The following PLK4 variants were observed in gnomAD, a reference collection of about 807,000 sequenced individuals.
PLK4 encodes the protein polo like kinase 4.
In PLK4, 51 loss-of-function variants were observed where a neutral mutation model predicts 103.0. The observed-to-expected ratio is 0.50, with a 90% CI of 0.40 to 0.63. PLK4 has a LOEUF of 0.63. Ranked by LOEUF, PLK4 falls within the 20% of genes least tolerant of loss-of-function variation. PLK4 has a pLI of 0.00. For synonymous variants in PLK4, 389 were observed against 376.8 expected (o/e 1.03, Z -0.38); for missense variants, 1,054 against 1,151.0 (o/e 0.92, Z 1.22).
chr4:127,883,763 T>C (rs774203212), intron 4 of PLK4, among the ~76,000 whole-genome samples: 24 of 152,218 alleles, frequency 1.6e-4, no homozygotes, highest in Admixed American at 7.9e-4. Flanking sequence ...AAATTTGTTA[T>C]CCTTCTGTCC....
At position 127,881,963 on chromosome 4, in the gene PLK4, G is replaced by A. The variant is rs769560146; in HGVS notation, c.126+37G>A. On this transcript the variant is annotated intron_variant, in intron 2 of 15. Coordinates refer to ENST00000270861, the MANE Select transcript of PLK4 (RefSeq NM_014264.5). ...CTAATCAACTTCTCTCCTGTACTTT[G>A]CAAGTAACTAGAGAGGTATCAGAGA... 5.8e-5 allele frequency: 64 copies of A among 1,109,508 alleles called. No homozygotes were observed. In the South Asian group the frequency reaches 7.8e-4, roughly 14 times the overall value. The allele number at this position is 1,109,508 out of a possible 1,614,324, so 68.7% of individuals were successfully genotyped here.
chr4:127,880,996 T>A lies in PLK4; in HGVS notation c.-139T>A. ...GGTGTCAGGGAGAACTTTCCGTGGT[T>A]TCAGCGTCGTCGCCTGGAGCGGCGG... On this transcript the variant is annotated 5_prime_UTR_variant, in exon 1 of 16. Transcript: ENST00000270861. The A allele has an allele frequency of 1.1e-6, 1 of 928,348 alleles. No homozygotes were observed. The highest frequency in any genetic ancestry group is 1.5e-5 in the South Asian group (1 of 68,256). 57.5% of individuals were successfully genotyped at this position (928,348 alleles called of 1,614,324 possible).
In PLK4 at chr4:127,889,921, G is replaced by A. The variant is rs755176244; in HGVS notation, c.1515G>A (p.Gln505=). 1.2e-6 allele frequency: 2 copies of A among 1,613,654 alleles called. No individual in the cohort carries two copies. The highest frequency in any genetic ancestry group is 1.1e-5 in the South Asian group (1 of 91,042). ...GCATCAGCCCAAACCGGGACTTCCA[G>A]GGCCATCCAGATTTGCAGAAGGACA... ...YDSISPNRDF[Q]GHPDLQKDTS... The change falls in exon 7 of 16, where the codon CAG becomes CAA. Residue 505 remains glutamine (Q), a synonymous_variant. Coordinates refer to ENST00000270861, the MANE Select transcript of PLK4 (RefSeq NM_014264.5).
intron 12 of PLK4, 37 bp from the exon 13 acceptor site, chr4:127,893,697 A>C: frequency 6.3e-7 from 1 of 1,591,126 alleles, no homozygotes; most frequent in Non-Finnish European, 8.6e-7. Context: ...GTAAATTGAA[A>C]GCTTCAAGGG....
At chr4:127,894,413 A>G (rs1451024942) in intron 13 of PLK4, among the ~76,000 whole-genome samples, 1 of 152,060 alleles carries the variant, frequency 6.6e-6, no homozygotes, top group Non-Finnish European at 1.5e-5. Flanking sequence ...TATTTTCAGT[A>G]GAGACGGGGT....
In PLK4 at chr4:127,883,283, A is replaced by G; in HGVS notation, c.148A>G (p.Lys50Glu). Residue 50 changes from lysine to glutamate, a missense_variant, in exon 3 of 16, where the codon AAA becomes GAA. Lys to Glu is a moderately conservative substitution (Grantham distance 56). Transcript: ENST00000270861. Reference protein sequence around the residue: ...IKMIDKKAMYKAGMVQRVQNE... With the variant: ...IKMIDKKAMYEAGMVQRVQNE... ...TTAGATAGATAAGAAAGCCATGTAC[A>G]AAGCAGGAATGGTACAGAGAGTCCA... is the stretch of plus-strand genomic sequence containing the variant. The G allele has an allele frequency of 6.3e-7, 1 of 1,585,466 alleles. No individual in the cohort carries two copies. The highest frequency in any genetic ancestry group is 1.7e-5 in the Admixed American group (1 of 58,854).
At chr4:127,895,624 T>C (rs775629661) in intron 14 of PLK4, among the ~76,000 whole-genome samples, 2 of 152,018 alleles carry the variant, frequency 1.3e-5, no homozygotes, top group African/African-American at 2.4e-5. Context: ...GGTTTCACCA[T>C]GTTAGCCAGG....
chr4:127,883,041 A>T (rs1456293092), intron 2 of PLK4, among the ~76,000 whole-genome samples: 1 of 152,188 alleles, frequency 6.6e-6, no homozygotes, highest in Non-Finnish European at 1.5e-5. Flanking sequence ...TAGATTATTT[A>T]AATTGAGATA....
intron 8 of PLK4, 63 bp downstream of exon 8, chr4:127,891,259 C>A: frequency 2.4e-6 from 2 of 817,320 alleles, no homozygotes; most frequent in Non-Finnish European, 3.9e-6. Context: ...GTTTAGCATT[C>A]TAATTCATTT....
At chr4:127,895,123 T>A in intron 14 of PLK4, 30 bp downstream of exon 14, 1 of 1,461,152 alleles carries the variant, frequency 6.8e-7, no homozygotes, top group Non-Finnish European at 9.2e-7. Context: ...GTGCATTTTC[T>A]CAGTATGAAT....
intron 11 of PLK4, 28 bp downstream of exon 11, chr4:127,893,446 A>T (rs769727130): frequency 9.4e-6 from 15 of 1,600,728 alleles, no homozygotes; most frequent in Non-Finnish European, 1.3e-5. Flanking sequence ...GGTTTTTCAT[A>T]CCAATTAATA....
Position 127,893,544 on chromosome 4 carries a change from T to C in PLK4, c.2354T>C (p.Ile785Thr). 6.2e-7 allele frequency: 1 copy of C among 1,613,074 alleles called. No individual in the cohort carries two copies. Among genetic ancestry groups the C allele is most frequent in the South Asian group, 1.1e-5 (1 of 90,950 alleles). Residue 785 changes from isoleucine (I) to threonine (T), a missense_variant, in exon 12 of 16, where the codon ATA (isoleucine) becomes ACA (threonine). This residue lies in a region of PLK4 where 167 missense variants were observed against 200.7 expected (regional missense o/e 0.83). Coordinates refer to ENST00000270861, the MANE Select transcript of PLK4 (RefSeq NM_014264.5). ...CGTATTTGTTTAGCACTGGAATCCA[T>C]AATTTCAGAAGAGGAAAGGAAAACT... ...GHRICLALES[I>T]ISEEERKTRS...
At chr4:127,890,338 G>A in intron 7 of PLK4, 102 bp downstream of exon 7, 3 of 845,220 alleles carry the variant, frequency 3.5e-6, no homozygotes, top group South Asian at 5.1e-5. Flanking sequence ...TTTACTTTGG[G>A]GTGTATACAT....
chr4:127,881,827 T>C lies in PLK4; in HGVS notation c.31-4T>C, dbSNP rs750669030. The stretch of plus-strand genomic sequence containing the variant: ...ACACATAATCTTTAATTTTAACTTT[T>C]AAGGATTTTAAAGTTGGAAATCTGC... On this transcript the variant is annotated splice_polypyrimidine_tract_variant and splice_region_variant and intron_variant, in intron 1 of 15. Transcript: ENST00000270861. 2.2e-5 allele frequency: 34 copies of C among 1,547,520 alleles called. No individual in the cohort carries two copies. The highest frequency in any genetic ancestry group is 2.9e-5 in the Non-Finnish European group (33 of 1,119,472).
intron 4 of PLK4, among the ~76,000 whole-genome samples, chr4:127,883,855 T>C (rs1176895036): frequency 1.3e-5 from 2 of 152,208 alleles, no homozygotes; most frequent in East Asian, 1.9e-4. Flanking sequence ...TAGGATGTCA[T>C]TGGTGACTAT....
At chr4:127,896,584 T>A (rs1221688632) in intron 14 of PLK4, among the ~76,000 whole-genome samples, 1 of 152,216 alleles carries the variant, frequency 6.6e-6, no homozygotes, top group East Asian at 1.9e-4. Context: ...AAAGGAATAA[T>A]CTGAAAAAGA....
intron 1 of PLK4, chr4:127,881,448 G>C (rs1734921863): frequency 2.3e-6 from 3 of 1,305,332 alleles, no homozygotes; most frequent in Middle Eastern, 2.8e-4. Flanking sequence ...TACCGCGTTA[G>C]AGCAGGGCAG....
At chr4:127,891,305 A>C (rs548117176) in intron 8 of PLK4, 109 bp downstream of exon 8, 3 of 543,920 alleles carry the variant, frequency 5.5e-6, no homozygotes, top group East Asian at 3.0e-5. Flanking sequence ...TCAGTTTGCC[A>C]GTATGATAGT....
chr4:127,892,557 A>T, intron 10 of PLK4, 43 bp downstream of exon 10: 1 of 1,507,050 alleles, frequency 6.6e-7, no homozygotes, highest in South Asian at 1.2e-5. Context: ...TTTAGTTTGT[A>T]ATTTAGTAGT....
Sources: allele counts gnomAD v4.1 joint callset (sites outside exome capture counted in the v4.1 genomes callset), GRCh38; gene constraint gnomAD v4.1.1; regional missense constraint gnomAD v4.1.1; transcripts MANE v1.5; gene names NCBI Gene and HGNC (gene_info 2026-07-23, HGNC 2026-07-21).